The following DPP6 variants were observed in gnomAD, a reference collection of about 807,000 sequenced individuals.
The protein encoded by DPP6 is A-type potassium channel modulatory protein DPP6.
Under a neutral mutation model 122.6 loss-of-function variants are expected in DPP6, and 69 were observed. The observed-to-expected ratio is 0.56, with a 90% confidence interval of 0.46 to 0.69. The LOEUF (loss-of-function observed/expected upper bound fraction) is 0.69. Ranked by LOEUF, DPP6 falls within the 30% of genes least tolerant of loss-of-function variation. The probability of loss-of-function intolerance (pLI) is 0.00; values close to 1 mark genes in which losing one functional copy is unlikely to be tolerated. For missense variants in DPP6, 928 were observed against 1,116.9 expected (o/e 0.83, Z 2.41); for synonymous variants, 418 against 433.1 (o/e 0.97, Z 0.43).
chr7:153,905,105 G>A (rs1799794662), intron 1 of DPP6, among the ~76,000 whole-genome samples: 2 of 152,212 alleles, frequency 1.3e-5, no homozygotes, highest in Admixed American at 6.5e-5. Context: ...TCTGGGCATG[G>A]GGCAGCACCC....
chr7:153,904,046 T>TTTG (rs900495958), intron 1 of DPP6, among the ~76,000 whole-genome samples: 5 of 151,994 alleles, frequency 3.3e-5, no homozygotes, highest in Non-Finnish European at 7.4e-5. Flanking sequence ...AGATGAGGTT[T>TTTG]TTGTTGTTGT....
At chr7:154,305,033 CCA>C (rs1806180155) in intron 1 of DPP6, 2 of 16,134 alleles carry the variant, frequency 1.2e-4, no homozygotes, top group African/African-American at 4.9e-4. Flanking sequence ...AGCCCCAGCC[CCA>C]GCCCCAGCCC....
intron 17 of DPP6, among the ~76,000 whole-genome samples, chr7:154,861,876 T>C (rs907912726): frequency 1.3e-5 from 2 of 152,202 alleles, no homozygotes; most frequent in Non-Finnish European, 2.9e-5. Flanking sequence ...TGAAAATGTG[T>C]TCATGTAAAT....
At chr7:154,335,816 G>C (rs1809364387) in intron 1 of DPP6, among the ~76,000 whole-genome samples, 1 of 152,220 alleles carries the variant, frequency 6.6e-6, no homozygotes, top group East Asian at 1.9e-4. Context: ...TGCTGGTGCT[G>C]CATGGGATGA....
chr7:154,845,461 G>A lies in DPP6; in HGVS notation c.1667-8319G>A, dbSNP rs1026931212. On this transcript the variant is annotated intron_variant, in intron 16 of 25. Coordinates refer to ENST00000377770, the MANE Select transcript of DPP6 (RefSeq NM_130797.4). ...AAACAGCAATGCCATTAAAGTGGAC[G>A]AAGGATGAGAGAGGGCAGTTTGTAG... 6.6e-5 allele frequency among the ~76,000 whole-genome samples: 10 copies of A among 152,324 alleles called. No homozygotes were observed. The East Asian group carries it at 7.7e-4, about 12-fold the overall frequency.
At chr7:154,710,848 T>G (rs1841133364) in intron 7 of DPP6, among the ~76,000 whole-genome samples, 1 of 152,262 alleles carries the variant, frequency 6.6e-6, no homozygotes, top group Non-Finnish European at 1.5e-5. Context: ...TCAGGAGCAG[T>G]AACTTGCGTA....
chr7:153,841,282 T>A, the DPP6 span, among the ~76,000 whole-genome samples: 10 of 152,308 alleles, frequency 6.6e-5, no homozygotes, highest in South Asian at 2.1e-3. Flanking sequence ...AGTCAGAATA[T>A]CAGTTATCAC....
At chr7:154,382,984 C>T (rs1813762853) in intron 1 of DPP6, among the ~76,000 whole-genome samples, 2 of 152,298 alleles carry the variant, frequency 1.3e-5, no homozygotes, top group Non-Finnish European at 2.9e-5. Context: ...GCCTTGGCCT[C>T]CCAAAATGCT....
intron 3 of DPP6, among the ~76,000 whole-genome samples, chr7:154,514,808 G>A (rs919174715): frequency 3.3e-5 from 5 of 152,196 alleles, no homozygotes; most frequent in African/African-American, 7.2e-5. Context: ...CTTGGATGGC[G>A]CCTACTTTTT....
In DPP6 at chr7:154,148,093, T is replaced by A. The variant is rs555263536; in HGVS notation, c.243+95030T>A. 4.0e-5 allele frequency among the ~76,000 whole-genome samples: 6 copies of A among 148,276 alleles called. No individual in the cohort carries two copies. The South Asian group carries it at 1.3e-3, about 31-fold the overall frequency. On this transcript the variant is annotated intron_variant, in intron 1 of 25. Coordinates refer to ENST00000377770, the MANE Select transcript of DPP6 (RefSeq NM_130797.4). ...AGGTGTCCTGGTAGCTGAGGTCCTA[T>A]GGCCGCTCATGAAATTTTAGTGAGC...
rs1198425756 is a variant in DPP6, at chr7:153,994,836, C to G, written c.51+107102C>G. Among the ~76,000 whole-genome samples, 3 of 152,024 alleles carry G rather than the reference C, an allele frequency of 2.0e-5. No homozygotes were observed. The East Asian group carries it at 5.8e-4, about 29-fold the overall frequency. On this transcript the variant is annotated intron_variant, in intron 1 of 25. Transcript: ENST00000404039. ...AAAATTATGCTGTTCATAAAATGTC[C>G]CTACAGATAAGTTTCACTTAACTGG...
chr7:153,870,233 T>G, the DPP6 span, among the ~76,000 whole-genome samples: 2 of 152,234 alleles, frequency 1.3e-5, no homozygotes, highest in Non-Finnish European at 2.9e-5. Flanking sequence ...CTGGATAATA[T>G]CCTGCAGAGC....
chr7:154,698,781 G>A (rs940185910), intron 7 of DPP6, among the ~76,000 whole-genome samples: 3 of 152,176 alleles, frequency 2.0e-5, no homozygotes, highest in Non-Finnish European at 4.4e-5. Context: ...AGTCCTTCAC[G>A]GTCCAGCCAG....
chr7:154,444,433 C>A (rs1432356902), intron 1 of DPP6, among the ~76,000 whole-genome samples: 1 of 152,058 alleles, frequency 6.6e-6, no homozygotes, highest in Admixed American at 6.5e-5. Context: ...CCACTGTACT[C>A]CAGCCTGGGC....
intron 1 of DPP6, among the ~76,000 whole-genome samples, chr7:154,247,782 C>T (rs947273021): frequency 1.3e-5 from 2 of 152,096 alleles, no homozygotes; most frequent in African/African-American, 4.8e-5. Flanking sequence ...AAAACATGTC[C>T]ATGAAAAGAC....
At chr7:154,425,630 GTGTGTGT>G (rs1563648951) in intron 1 of DPP6, among the ~76,000 whole-genome samples, 8 of 133,404 alleles carry the variant, frequency 6.0e-5, no homozygotes, top group East Asian at 6.9e-4. Flanking sequence ...GGGTGTGTGT[GTGTGTGT>G]GTGTGTGTGT....
rs1382685421 is a variant in DPP6, at chr7:154,062,032, C to T, written c.243+8969C>T. Among the ~76,000 whole-genome samples the T allele has an allele frequency of 3.0e-3, 378 of 126,482 alleles. 8 individuals carry two copies. The highest frequency in any genetic ancestry group is 7.9e-3 in the African/African-American group (267 of 33,848). 83.0% of individuals were successfully genotyped at this position (126,482 alleles called of 152,430 possible). A position where few individuals can be genotyped will look rare whatever the true frequency, so the allele number is the denominator to read the frequency against. ...CCATCGCAGGGGGGGGGAGGCACCCCCCGCGAGGCAGGGACTGACAGCCAG... is the reference window on the plus strand; with the variant it reads ...CCATCGCAGGGGGGGGGAGGCACCCTCCGCGAGGCAGGGACTGACAGCCAG... On this transcript the variant is annotated intron_variant, in intron 1 of 25. Coordinates refer to ENST00000377770, the MANE Select transcript of DPP6 (RefSeq NM_130797.4).
intron 16 of DPP6, among the ~76,000 whole-genome samples, chr7:154,845,137 T>TAA (rs1345363121): frequency 6.6e-6 from 1 of 152,218 alleles, no homozygotes; most frequent in Non-Finnish European, 1.5e-5. Context: ...ATTCATTCAT[T>TAA]AACCATTAAT....
rs115969287 is a variant in DPP6 at position 153,928,567 on chromosome 7, G to A, written c.51+40833G>A. On this transcript the variant is annotated intron_variant, in intron 1 of 25. Coordinates refer to the DPP6 transcript ENST00000404039. ...GGGCCACTTTTCTGAGTCAAAGAGGGTGACTTCTTGCTATGTCTTCACATG... is the reference window on the plus strand; with the variant it reads ...GGGCCACTTTTCTGAGTCAAAGAGGATGACTTCTTGCTATGTCTTCACATG... 4.2e-3 allele frequency among the ~76,000 whole-genome samples: 636 copies of A among 151,704 alleles called. 5 individuals carry two copies. The highest frequency in any genetic ancestry group is 0.015 in the African/African-American group (608 of 41,362).
Sources: gnomAD v4.1 joint callset for allele counts (sites outside exome capture counted in the v4.1 genomes callset) on GRCh38, gnomAD v4.1.1 for gene constraint, MANE v1.5 for transcripts, NCBI Gene and HGNC (gene_info 2026-07-23, HGNC 2026-07-21) for gene names.